ZNF407: variants seen among roughly 807,000 people sequenced by gnomAD.
ZNF407 encodes the protein zinc finger protein 407.
ZNF407 carries 17 observed loss-of-function variants against 131.2 expected under a neutral mutation model. The ratio of observed to expected loss-of-function variants is 0.13; its 90% CI spans 0.09 to 0.19. The LOEUF is 0.19. ZNF407 is among the 10% of genes least tolerant of loss of function. The probability of loss-of-function intolerance (pLI) is 1.00; values close to 1 mark genes in which losing one functional copy is unlikely to be tolerated. For synonymous variants in ZNF407, 1,156 were observed against 1,062.0 expected (o/e 1.09, Z -1.72); for missense variants, 2,681 against 2,830.6 (o/e 0.95, Z 1.20).
At chr18:74,842,547 T>C (rs997798474) in intron 4 of ZNF407, among the ~76,000 whole-genome samples, 1 of 152,128 alleles carries the variant, frequency 6.6e-6, no homozygotes, top group African/African-American at 2.4e-5. Flanking sequence ...GGTCATTAGT[T>C]TGTTTTTGAA....
At chr18:74,750,490 A>G (rs1461084092) in intron 3 of ZNF407, among the ~76,000 whole-genome samples, 1 of 152,126 alleles carries the variant, frequency 6.6e-6, no homozygotes, top group Non-Finnish European at 1.5e-5. Flanking sequence ...TTTGTGTCCA[A>G]ATTTATTCAA....
At chr18:75,054,123 A>G (rs1973533929) in intron 8 of ZNF407, among the ~76,000 whole-genome samples, 1 of 152,270 alleles carries the variant, frequency 6.6e-6, no homozygotes, top group South Asian at 2.1e-4. Flanking sequence ...TGCCCAGCAC[A>G]TATGATTCAT....
At chr18:74,913,934 G>T (rs1971709866) in intron 7 of ZNF407, among the ~76,000 whole-genome samples, 1 of 152,092 alleles carries the variant, frequency 6.6e-6, no homozygotes, top group Non-Finnish European at 1.5e-5. Flanking sequence ...TTTATTATGT[G>T]TTTTTTAAGA....
chr18:74,975,131 G>A (rs1972514215), intron 8 of ZNF407, among the ~76,000 whole-genome samples: 1 of 152,162 alleles, frequency 6.6e-6, no homozygotes, highest in Non-Finnish European at 1.5e-5. Context: ...AGAGTTGTAG[G>A]CTGGCATTAT....
In ZNF407 at chr18:75,046,593, C is replaced by T. The variant is rs143476081; in HGVS notation, c.5429-16557C>T. On this transcript the variant is annotated intron_variant, in intron 8 of 8. Transcript: ENST00000299687. ...AAGTCGAGTCAGTACCCAGCTGAAT[C>T]GTGACCACCCGAACCGAGGGGTCCT... Among the ~76,000 whole-genome samples, 603 of 152,228 alleles carry T rather than the reference C, an allele frequency of 4.0e-3. 10 individuals are homozygous for T. Among genetic ancestry groups the T allele is most frequent in the African/African-American group, 0.014 (578 of 41,544 alleles).
At position 74,635,650 on chromosome 18, in the gene ZNF407, A is replaced by G; in HGVS notation, c.4631A>G (p.Lys1544Arg). ...GGAAACGTCTGCAAGTATTGTGGGA[A>G]GATGTGTCGAAGCAGCAACTCGATG... ...NQGNVCKYCG[K>R]MCRSSNSMAF... is the part of the protein sequence containing the mutation. The change falls in exon 2 of 9, where the codon AAG becomes AGG. Residue 1544 changes from lysine to arginine, a missense_variant. This residue lies in a region of ZNF407 where 213 missense variants were observed against 332.2 expected (regional missense o/e 0.64). Coordinates refer to ENST00000299687, the MANE Select transcript of ZNF407 (RefSeq NM_017757.3). This position sits in a 1 kb window ranked among gnomAD's most constrained non-coding sequence, Gnocchi z 4.7. 1 of 1,611,594 alleles carries G rather than the reference A, an allele frequency of 6.2e-7. No homozygotes were observed. The highest frequency in any genetic ancestry group is 8.5e-7 in the Non-Finnish European group (1 of 1,178,378).
intron 8 of ZNF407, among the ~76,000 whole-genome samples, chr18:75,008,945 T>C (rs921578538): frequency 6.6e-6 from 1 of 152,214 alleles, no homozygotes; most frequent in Non-Finnish European, 1.5e-5. Context: ...TCAATTCTCA[T>C]ATATATTTTA....
intron 3 of ZNF407, among the ~76,000 whole-genome samples, chr18:74,713,358 CTTTTTTTTTTTT>C (rs5826345): frequency 1.2e-5 from 1 of 84,480 alleles, no homozygotes; most frequent in Non-Finnish European, 2.5e-5. Flanking sequence ...ATTTTAGCAT[CTTTTTTTTTTTT>C]TTTTTTTTTT....
Position 74,890,156 on chromosome 18 carries a change from G to T in ZNF407, c.5249+118G>T. 2.6e-6 allele frequency: 3 copies of T among 1,166,710 alleles called. No homozygotes were observed. In the South Asian group the frequency reaches 8.8e-5, roughly 34 times the overall value. 72.3% of individuals were successfully genotyped at this position (1,166,710 alleles called of 1,614,324 possible). On this transcript the variant is annotated intron_variant, in intron 7 of 8. Coordinates refer to ENST00000299687, the MANE Select transcript of ZNF407 (RefSeq NM_017757.3). ...TCACCATGAGTTCATATATTCGGTT[G>T]GGAGCTAATTACCTAATTTTAGTGA... is the stretch of plus-strand genomic sequence containing the variant.
At chr18:74,978,346 A>G (rs1568289489) in intron 8 of ZNF407, among the ~76,000 whole-genome samples, 2 of 152,190 alleles carry the variant, frequency 1.3e-5, no homozygotes, top group African/African-American at 4.8e-5. Context: ...ATAGGTCGTA[A>G]GGAGCCATTC....
At chr18:74,672,587 T>C (rs1301138566) in intron 3 of ZNF407, among the ~76,000 whole-genome samples, 4 of 151,874 alleles carry the variant, frequency 2.6e-5, no homozygotes, top group Non-Finnish European at 5.9e-5. Flanking sequence ...GAGCACTGTT[T>C]GTCTGTTTGT....
At chr18:74,842,087 A>G (rs1970641805) in intron 4 of ZNF407, among the ~76,000 whole-genome samples, 1 of 152,228 alleles carries the variant, frequency 6.6e-6, no homozygotes. Flanking sequence ...TATTTTGGTC[A>G]GACATTTATG....
intron 7 of ZNF407, among the ~76,000 whole-genome samples, chr18:74,891,142 G>A (rs1184890340): frequency 6.6e-6 from 1 of 152,206 alleles, no homozygotes; most frequent in East Asian, 1.9e-4. Context: ...GGAGCACAGA[G>A]CTTGCAGCCA....
chr18:74,616,550 C>T (rs929382262), intron 1 of ZNF407, among the ~76,000 whole-genome samples: 12 of 151,736 alleles, frequency 7.9e-5, no homozygotes, highest in South Asian at 4.2e-4. Flanking sequence ...CCCCTGTACC[C>T]GCATTCTGAT....
In ZNF407 at chr18:74,678,396, C is replaced by T. The variant is rs986285115; in HGVS notation, c.4802+37274C>T. On this transcript the variant is annotated intron_variant, in intron 3 of 8. Transcript: ENST00000299687. Reference sequence around the variant, plus strand: ...GTACATTGGGCTCTTAGGATAGCTTCTCCCTTTCCTCTCCTTCCAGGCCCC... The same window carrying T: ...GTACATTGGGCTCTTAGGATAGCTTTTCCCTTTCCTCTCCTTCCAGGCCCC... Among the ~76,000 whole-genome samples, 11 of 152,302 alleles carry T rather than the reference C, an allele frequency of 7.2e-5. No individual in the cohort carries two copies. The South Asian group carries it at 2.3e-3, about 32-fold the overall frequency.
chr18:74,713,348 A>G (rs940729907), intron 3 of ZNF407, among the ~76,000 whole-genome samples: 3 of 143,802 alleles, frequency 2.1e-5, no homozygotes, highest in African/African-American at 2.6e-5. Flanking sequence ...TACCTGGAAC[A>G]TTTTAGCATC....
chr18:74,757,644 G>A (rs544558673), intron 3 of ZNF407, among the ~76,000 whole-genome samples: 2 of 152,012 alleles, frequency 1.3e-5, no homozygotes, highest in East Asian at 1.9e-4. Context: ...TTCTATAGAT[G>A]CCTTTTATTT....
chr18:74,687,454 G>A (rs925822193), intron 3 of ZNF407, among the ~76,000 whole-genome samples: 11 of 152,136 alleles, frequency 7.2e-5, no homozygotes, highest in Non-Finnish European at 1.2e-4. Context: ...CGCAGGTGGC[G>A]GATGGATGGC....
chr18:74,778,043 TAAAAAC>T lies in ZNF407; in HGVS notation c.4803-3380_4803-3375del, dbSNP rs372970046. Among the ~76,000 whole-genome samples, 490 of 152,190 alleles carry T rather than the reference TAAAAAC, an allele frequency of 3.2e-3. 2 individuals are homozygous for T. Among genetic ancestry groups the T allele is most frequent in the African/African-American group, 0.011 (462 of 41,544 alleles). On this transcript the variant is annotated intron_variant, in intron 3 of 8. Transcript: ENST00000299687. ...ATTACAGTGAGCTATTTAAAAAAAA[TAAAAAC>T]AAAAGCAAAAGTAAGTTGGACAAGT...
Sources: gnomAD v4.1 joint callset for allele counts (sites outside exome capture counted in the v4.1 genomes callset) on GRCh38, gnomAD v4.1.1 for gene constraint, gnomAD v4.1.1 regional missense constraint, Gnocchi (gnomAD v3.1) non-coding constraint, MANE v1.5 for transcripts, NCBI Gene and HGNC (gene_info 2026-07-23, HGNC 2026-07-21) for gene names.